Variants in DCBLD2 observed in about 807,000 individuals in gnomAD.
DCBLD2 encodes the protein discoidin, CUB and LCCL domain containing 2.
Under a neutral mutation model 86.8 loss-of-function variants are expected in DCBLD2, and 54 were observed. The ratio of observed to expected loss-of-function variants is 0.62; its 90% confidence interval spans 0.50 to 0.78. The LOEUF (loss-of-function observed/expected upper bound fraction) is 0.78, where lower values mean the gene tolerates loss of function less well. Ranked by LOEUF, DCBLD2 falls within the 30% of genes least tolerant of loss-of-function variation. DCBLD2 has a pLI of 0.00. For synonymous variants in DCBLD2, 354 were observed against 341.3 expected (o/e 1.04, Z -0.41); for missense variants, 908 against 954.2 (o/e 0.95, Z 0.64).
intron 2 of DCBLD2, among the ~76,000 whole-genome samples, chr3:98,850,823 G>GC (rs1576181129): frequency 6.6e-6 from 1 of 152,258 alleles, no homozygotes; most frequent in South Asian, 2.1e-4. Context: ...AAAATCAACT[G>GC]CATTTCCATA....
intron 12 of DCBLD2, among the ~76,000 whole-genome samples, chr3:98,809,858 C>G (rs1576157162): frequency 1.3e-5 from 2 of 152,274 alleles, no homozygotes; most frequent in African/African-American, 4.8e-5. Context: ...ATGACTTAGA[C>G]TAGAAAGCAC....
At chr3:98,891,230 GAGAA>G (rs1306112156) in intron 1 of DCBLD2, among the ~76,000 whole-genome samples, 3 of 151,296 alleles carry the variant, frequency 2.0e-5, no homozygotes, top group African/African-American at 2.4e-5. Flanking sequence ...GAGAGAGAGA[GAGAA>G]AGAAAGAAAA....
At chr3:98,866,127 G>T (rs1489731746) in intron 2 of DCBLD2, among the ~76,000 whole-genome samples, 2 of 152,092 alleles carry the variant, frequency 1.3e-5, no homozygotes, top group African/African-American at 4.8e-5. Flanking sequence ...CATCTGGGTT[G>T]GTTCCAAGTC....
intron 15 of DCBLD2, 137 bp from the exon 16 acceptor site, chr3:98,799,978 G>T: frequency 1.4e-6 from 1 of 709,854 alleles, no homozygotes; most frequent in Non-Finnish European, 2.3e-6. Context: ...TAATCTGTAA[G>T]AACTTTGAAA....
rs1576204179 is a variant in DCBLD2, at chr3:98,886,345, T to C, written c.206-4578A>G. Among the ~76,000 whole-genome samples the C allele has an allele frequency of 4.6e-5, 7 of 152,128 alleles. 1 individual carries two copies. The South Asian group carries it at 1.4e-3, about 32-fold the overall frequency. On this transcript the variant is annotated intron_variant, in intron 1 of 15. Coordinates refer to ENST00000326840, the MANE Select transcript of DCBLD2 (RefSeq NM_080927.4). The stretch of plus-strand genomic sequence containing the variant: ...TGACTGCTATTAATTCTGAGTAGCT[T>C]TGTACACTGGGAAGAATAATGATCT...
At chr3:98,877,112 G>A (rs1943385961) in intron 2 of DCBLD2, among the ~76,000 whole-genome samples, 1 of 152,062 alleles carries the variant, frequency 6.6e-6, no homozygotes. Context: ...CTACCTTTTT[G>A]TACAGTTTTA....
chr3:98,901,256 G>C lies in DCBLD2; in HGVS notation c.71C>G (p.Ala24Gly). The change falls in exon 1 of 16, where the codon GCC (alanine) becomes GGC (glycine). Residue 24 changes from alanine to glycine, a missense_variant. Ala to Gly is a moderately conservative substitution (Grantham distance 60). This residue lies in a region of DCBLD2 where 294 missense variants were observed against 256.0 expected (regional missense o/e 1.15). Coordinates refer to ENST00000326840, the MANE Select transcript of DCBLD2 (RefSeq NM_080927.4). ...GAGGGGGAGCGCGGCCCAGGCGGGG[G>C]CGGCGGCCGCGGCCCGGACTTGGGG... The part of the protein sequence containing the change: ...QCPQVRAAAA[A>G]PAWAALPLSR... 1 of 1,531,320 alleles carries C rather than the reference G, an allele frequency of 6.5e-7. No individual in the cohort carries two copies. The highest frequency in any genetic ancestry group is 2.4e-5 in the East Asian group (1 of 40,854). 94.9% of individuals were successfully genotyped at this position (1,531,320 alleles called of 1,614,324 possible).
chr3:98,836,257 C>T lies in DCBLD2; in HGVS notation c.572-10891G>A, dbSNP rs553379702. Among the ~76,000 whole-genome samples, 45 of 145,174 alleles carry T rather than the reference C, an allele frequency of 3.1e-4. 1 individual carries two copies. In the South Asian group the frequency reaches 7.3e-3, roughly 24 times the overall value. ...GTCCCTTGCCTGAAAATGGTTGCCT[C>T]CAATATTTTGCTCAGTTTTCTGATT... On this transcript the variant is annotated intron_variant, in intron 3 of 15. Transcript: ENST00000326840.
chr3:98,850,062 T>TAAC (rs1473009627), intron 2 of DCBLD2, among the ~76,000 whole-genome samples: 1 of 152,214 alleles, frequency 6.6e-6, no homozygotes, highest in African/African-American at 2.4e-5. Flanking sequence ...TTGTTGGATT[T>TAAC]CTAGTTAATC....
At chr3:98,800,278 A>G (rs142625414) in intron 15 of DCBLD2, among the ~76,000 whole-genome samples, 9 of 152,194 alleles carry the variant, frequency 5.9e-5, no homozygotes, top group African/African-American at 9.7e-5. Context: ...TAAACACTGT[A>G]AGGCTTCTTC....
At chr3:98,872,367 G>C (rs1046389318) in intron 2 of DCBLD2, among the ~76,000 whole-genome samples, 3 of 152,068 alleles carry the variant, frequency 2.0e-5, no homozygotes, top group African/African-American at 7.2e-5. Context: ...AGCCTCCTCG[G>C]TCCCCTCTCT....
Position 98,901,451 on chromosome 3 carries a change from C to A in DCBLD2, c.-125G>T. 9.9e-7 allele frequency: 1 copy of A among 1,006,550 alleles called. No homozygotes were observed. The allele number at this position is 1,006,550 out of a possible 1,614,324, so 62.4% of individuals were successfully genotyped here. On this transcript the variant is annotated 5_prime_UTR_variant, in exon 1 of 16. Transcript: ENST00000326840. ...GAACAAGAGGCAGCCCTCGCCTCAC[C>A]CCGCGCCGGGACCCTTCCGCCCCTC...
chr3:98,857,206 C>T lies in DCBLD2; in HGVS notation c.434-7608G>A, dbSNP rs376095721. On this transcript the variant is annotated intron_variant, in intron 2 of 15. Transcript: ENST00000326840. ...AGTTGTTCATTCCTCCTGGTGGGTT[C>T]GTGGTCTCGCTGGCTTCAGGAGTGA... 5.9e-4 allele frequency among the ~76,000 whole-genome samples: 90 copies of T among 152,052 alleles called. 1 individual carries two copies. Among genetic ancestry groups the T allele is most frequent in the Non-Finnish European group, 1.2e-3 (83 of 68,030 alleles).
At chr3:98,823,342 A>G (rs1942157685) in intron 4 of DCBLD2, among the ~76,000 whole-genome samples, 1 of 152,212 alleles carries the variant, frequency 6.6e-6, no homozygotes, top group Non-Finnish European at 1.5e-5. Context: ...TACTCATCAA[A>G]TTTAAGAGCT....
At chr3:98,839,179 T>TTCCTTCCTTCCTTCCTTCCTTCCTTC (rs1559781597) in intron 3 of DCBLD2, among the ~76,000 whole-genome samples, 1 of 113,164 alleles carries the variant, frequency 8.8e-6, no homozygotes, top group Non-Finnish European at 1.8e-5. Flanking sequence ...TTCCTTTCTT[T>TTCCTTCCTTCCTTCCTTCCTTCCTTC]CTTCCTTCCT....
intron 2 of DCBLD2, among the ~76,000 whole-genome samples, chr3:98,872,455 A>G (rs1043429771): frequency 4.6e-5 from 7 of 151,978 alleles, no homozygotes; most frequent in African/African-American, 1.4e-4. Context: ...TGAGCTGTCC[A>G]CTCTTGCACT....
chr3:98,883,958 G>A (rs2107524711), intron 1 of DCBLD2, among the ~76,000 whole-genome samples: 1 of 152,086 alleles, frequency 6.6e-6, no homozygotes. Flanking sequence ...AGTAAGTGGT[G>A]GATGCTAAAT....
At position 98,799,857 on chromosome 3, in the gene DCBLD2, A is replaced by G; in HGVS notation, c.1859-16T>C. On this transcript the variant is annotated splice_polypyrimidine_tract_variant and intron_variant, in intron 15 of 15. Coordinates refer to ENST00000326840, the MANE Select transcript of DCBLD2 (RefSeq NM_080927.4). Reference sequence around the variant, plus strand: ...TGAGCATACTCTGTGGATATCACAAAACAACAGAAAAGTCATTTTACTAGT... The same window carrying G: ...TGAGCATACTCTGTGGATATCACAAGACAACAGAAAAGTCATTTTACTAGT... The G allele has an allele frequency of 6.4e-7, 1 of 1,571,422 alleles. No individual in the cohort carries two copies. The highest frequency in any genetic ancestry group is 8.6e-7 in the Non-Finnish European group (1 of 1,157,870).
At chr3:98,800,945 AG>A in intron 14 of DCBLD2, among the ~76,000 whole-genome samples, 1 of 151,266 alleles carries the variant, frequency 6.6e-6, no homozygotes, top group Admixed American at 6.6e-5. Context: ...AATCACTGTT[AG>A]TATAGTACAG....
Sources: allele counts gnomAD v4.1 joint callset (sites outside exome capture counted in the v4.1 genomes callset), GRCh38; gene constraint gnomAD v4.1.1; regional missense constraint gnomAD v4.1.1; transcripts MANE v1.5; gene names NCBI Gene and HGNC (gene_info 2026-07-23, HGNC 2026-07-21).